Variants in PTPRD observed in about 807,000 individuals in gnomAD.
PTPRD encodes receptor-type tyrosine-protein phosphatase delta.
PTPRD carries 34 observed loss-of-function variants against 214.5 expected under a neutral mutation model. That is an observed-to-expected ratio of 0.16 (90% CI 0.12 to 0.21). PTPRD has a LOEUF of 0.21. Ranked by LOEUF, PTPRD falls within the 10% of genes least tolerant of loss-of-function variation. The pLI is 1.00. For missense variants in PTPRD, 2,545 were observed against 2,398.7 expected (o/e 1.06, Z -1.27); for synonymous variants, 1,128 against 845.7 (o/e 1.33, Z -5.79).
chr9:9,655,002 TATAG>T (rs748736022), intron 7 of PTPRD, among the ~76,000 whole-genome samples: 14 of 146,898 alleles, frequency 9.5e-5, no homozygotes, highest in African/African-American at 2.6e-4. Flanking sequence ...CATATATATA[TATAG>T]ATATAGATAT....
intron 4 of PTPRD, among the ~76,000 whole-genome samples, chr9:9,975,079 C>T (rs2095303479): frequency 6.6e-6 from 1 of 152,072 alleles, no homozygotes; most frequent in African/African-American, 2.4e-5. Context: ...GGATTTCTTT[C>T]TAACCCACTC....
In PTPRD at chr9:8,499,689, C is replaced by G. The variant is rs2097352440; in HGVS notation, c.2280G>C (p.Lys760Asn). The stretch of plus-strand genomic sequence containing the variant: ...TGACATCTTTCAGCATGGGCTGGCC[C>G]TTGGGCTCACCATTTTCCATCCTCA... ...HYVRMENGEP[K>N]GQPMLKDVML... The change falls in exon 25 of 46, where the codon AAG becomes AAC. Residue 760 changes from lysine to asparagine, a missense_variant. Transcript: ENST00000381196. 1 of 1,614,026 alleles carries G rather than the reference C, an allele frequency of 6.2e-7. No individual in the cohort carries two copies. The highest frequency in any genetic ancestry group is 8.5e-7 in the Non-Finnish European group (1 of 1,179,962).
intron 11 of PTPRD, among the ~76,000 whole-genome samples, chr9:8,741,124 GC>G (rs2091812562): frequency 6.6e-6 from 1 of 151,958 alleles, no homozygotes; most frequent in Admixed American, 6.6e-5. Context: ...TTCAAGGATG[GC>G]AAAATGACAT....
intron 10 of PTPRD, among the ~76,000 whole-genome samples, chr9:9,169,332 T>A (rs1029113046): frequency 6.6e-6 from 1 of 152,156 alleles, no homozygotes; most frequent in African/African-American, 2.4e-5. Context: ...ATACTCAGTG[T>A]TTCTGATTCA....
At position 8,542,444 on chromosome 9, in the gene PTPRD, T is replaced by A. The variant is rs541319720; in HGVS notation, c.353-13665A>T. Reference sequence around the variant, plus strand: ...TGGAAAAAGTTCAGAATAATTTGAATGTCAATTTTACAAGGGTTGGTAATA... The same window carrying A: ...TGGAAAAAGTTCAGAATAATTTGAAAGTCAATTTTACAAGGGTTGGTAATA... On this transcript the variant is annotated intron_variant, in intron 14 of 45. Transcript: ENST00000381196. 9.2e-5 allele frequency among the ~76,000 whole-genome samples: 14 copies of A among 152,324 alleles called. No individual in the cohort carries two copies. The South Asian group carries it at 2.7e-3, about 29-fold the overall frequency.
chr9:9,834,927 G>A (rs1042068779), intron 5 of PTPRD, among the ~76,000 whole-genome samples: 1 of 151,648 alleles, frequency 6.6e-6, no homozygotes, highest in Non-Finnish European at 1.5e-5. Flanking sequence ...AACCTAACAG[G>A]TACTTTTGTT....
In PTPRD at chr9:10,583,513, G is replaced by A. The variant is rs1009081490; in HGVS notation, c.-600+28885C>T. ...GTTGCCCAGGCTGGACTGCCGTGGC[G>A]CGATCTGGGCTCACTGCAAGCTCCG... On this transcript the variant is annotated intron_variant, in intron 2 of 45. Coordinates refer to ENST00000381196, the MANE Select transcript of PTPRD (RefSeq NM_002839.4). Among the ~76,000 whole-genome samples the A allele has an allele frequency of 4.6e-5, 7 of 151,270 alleles. No homozygotes were observed. In the East Asian group the frequency reaches 7.8e-4, roughly 17 times the overall value.
At chr9:9,494,013 C>T (rs1377647433) in intron 8 of PTPRD, among the ~76,000 whole-genome samples, 1 of 151,960 alleles carries the variant, frequency 6.6e-6, no homozygotes, top group Non-Finnish European at 1.5e-5. Flanking sequence ...TATTCCAATC[C>T]TCATGAATGG....
At chr9:9,058,428 G>C (rs183516233) in intron 10 of PTPRD, among the ~76,000 whole-genome samples, 62 of 138,866 alleles carry the variant, frequency 4.5e-4, no homozygotes, top group African/African-American at 1.6e-3. Context: ...ATTGGTGAGA[G>C]AAATATTATG....
At chr9:9,006,894 C>T (rs2099472868) in intron 11 of PTPRD, among the ~76,000 whole-genome samples, 2 of 152,046 alleles carry the variant, frequency 1.3e-5, no homozygotes, top group East Asian at 3.9e-4. Context: ...GTCATATTTA[C>T]ATTTAATACA....
In PTPRD at chr9:9,760,823, G is replaced by A. The variant is rs1213360160; in HGVS notation, c.-326+5987C>T. Among the ~76,000 whole-genome samples, 3 of 152,158 alleles carry A rather than the reference G, an allele frequency of 2.0e-5. No homozygotes were observed. In the East Asian group the frequency reaches 5.8e-4, roughly 29 times the overall value. On this transcript the variant is annotated intron_variant, in intron 6 of 45. Transcript: ENST00000381196. ...CAACATCAATAGCCATTAGAGAAAT[G>A]CAAATTAAAAATATTAATTCAATGA...
At chr9:9,377,517 T>C (rs1478951199) in intron 9 of PTPRD, among the ~76,000 whole-genome samples, 1 of 152,134 alleles carries the variant, frequency 6.6e-6, no homozygotes, top group Non-Finnish European at 1.5e-5. Flanking sequence ...ACTCTGTAAG[T>C]TTGGCATTAT....
At chr9:9,150,078 G>A (rs1321231741) in intron 10 of PTPRD, among the ~76,000 whole-genome samples, 3 of 152,248 alleles carry the variant, frequency 2.0e-5, no homozygotes, top group East Asian at 1.9e-4. Context: ...AACATGTGAC[G>A]CTATTGAAAT....
chr9:10,242,705 C>T (rs189515097), intron 3 of PTPRD, among the ~76,000 whole-genome samples: 6 of 151,054 alleles, frequency 4.0e-5, no homozygotes, highest in Non-Finnish European at 5.9e-5. Context: ...AAAAAATCTC[C>T]GTCTAGGGCT....
chr9:9,881,172 G>GT (rs1197648336), intron 5 of PTPRD, among the ~76,000 whole-genome samples: 3 of 151,888 alleles, frequency 2.0e-5, no homozygotes, highest in Non-Finnish European at 2.9e-5. Flanking sequence ...AAAATTAGTA[G>GT]TTTTTTTTAA....
chr9:9,165,028 G>C (rs1254739498), intron 10 of PTPRD, among the ~76,000 whole-genome samples: 3 of 148,354 alleles, frequency 2.0e-5, no homozygotes, highest in African/African-American at 7.5e-5. Context: ...CTCCAGCCTG[G>C]GTGACAGAGC....
intron 33 of PTPRD, among the ~76,000 whole-genome samples, chr9:8,456,676 G>C (rs770525905): frequency 6.6e-6 from 1 of 152,160 alleles, no homozygotes; most frequent in Admixed American, 6.5e-5. Flanking sequence ...GCCAGTGTTG[G>C]AGCAGGAAAA....
chr9:9,312,166 T>C (rs188895496), intron 9 of PTPRD, among the ~76,000 whole-genome samples: 3 of 152,294 alleles, frequency 2.0e-5, no homozygotes, highest in Admixed American at 1.3e-4. Context: ...ATCCTAAAAA[T>C]AGCTAACTGA....
At chr9:10,286,063 G>A (rs2095342333) in intron 3 of PTPRD, among the ~76,000 whole-genome samples, 2 of 152,044 alleles carry the variant, frequency 1.3e-5, no homozygotes, top group South Asian at 4.1e-4. Flanking sequence ...GTATGTATAT[G>A]CATGTATGTT....
Sources: allele counts gnomAD v4.1 joint callset (sites outside exome capture counted in the v4.1 genomes callset), GRCh38; gene constraint gnomAD v4.1.1; transcripts MANE v1.5; gene names NCBI Gene and HGNC (gene_info 2026-07-23, HGNC 2026-07-21).